The following UBE2R2 variants were observed in gnomAD, a reference collection of about 807,000 sequenced individuals.
The protein encoded by UBE2R2 is ubiquitin-conjugating enzyme E2 R2.
In UBE2R2, 1 loss-of-function variant was observed where a neutral mutation model predicts 27.8. The ratio of observed to expected loss-of-function variants is 0.04; its 90% confidence interval spans 0.01 to 0.17. The LOEUF (loss-of-function observed/expected upper bound fraction) is 0.17. Among genes scored for constraint, UBE2R2 ranks in the 10% least tolerant of loss-of-function variants. The pLI, the probability that UBE2R2 is intolerant of heterozygous loss-of-function variation, is 1.00. For missense variants in UBE2R2, 100 were observed against 291.0 expected (o/e 0.34, Z 4.78); for synonymous variants, 106 against 113.3 (o/e 0.94, Z 0.41).
intron 1 of UBE2R2, among the ~76,000 whole-genome samples, chr9:33,879,445 T>G (rs1821683335): frequency 6.6e-6 from 1 of 152,268 alleles, no homozygotes; most frequent in Middle Eastern, 3.4e-3. Context: ...CTTAGTACCC[T>G]AAGTAATCTT....
At chr9:33,877,805 C>CTGTT (rs1821638909) in intron 1 of UBE2R2, among the ~76,000 whole-genome samples, 1 of 138,452 alleles carries the variant, frequency 7.2e-6, no homozygotes, top group Admixed American at 7.1e-5. Context: ...CCCTCTCTGT[C>CTGTT]TGTCTGTCTG....
In UBE2R2 at chr9:33,882,491, G is replaced by A. The variant is rs1821750952; in HGVS notation, c.178-4390G>A. ...CTAGAGATGGGGTTTCACCATCTTG[G>A]CCAGGCTGGTCTTGAACTCCTGACC... On this transcript the variant is annotated intron_variant, in intron 1 of 4. Coordinates refer to ENST00000263228, the MANE Select transcript of UBE2R2 (RefSeq NM_017811.4). Among the ~76,000 whole-genome samples, 9 of 152,180 alleles carry A rather than the reference G, an allele frequency of 5.9e-5. No homozygotes were observed. The South Asian group carries it at 1.9e-3, about 32-fold the overall frequency.
At chr9:33,891,330 C>T (rs1047320089) in intron 2 of UBE2R2, among the ~76,000 whole-genome samples, 2 of 151,636 alleles carry the variant, frequency 1.3e-5, no homozygotes, top group African/African-American at 4.8e-5. Context: ...TGAGCCACCA[C>T]ACCCAGCTCT....
chr9:33,819,916 C>A (rs531812902), intron 1 of UBE2R2, among the ~76,000 whole-genome samples: 1 of 152,234 alleles, frequency 6.6e-6, no homozygotes, highest in Admixed American at 6.5e-5. Context: ...GGATTACAGG[C>A]GTGAGCCACT....
Position 33,871,096 on chromosome 9 carries a change from C to A in UBE2R2, c.178-15785C>A, listed in dbSNP as rs545193674. 3.9e-5 allele frequency among the ~76,000 whole-genome samples: 6 copies of A among 152,306 alleles called. No individual in the cohort carries two copies. The East Asian group carries it at 9.6e-4, about 24-fold the overall frequency. On this transcript the variant is annotated intron_variant, in intron 1 of 4. Transcript: ENST00000263228. Reference sequence around the variant, plus strand: ...AAGTAGTACCCCTTTGTAAATTTTACCTGAATGTCTCAGCCAGAATTAGGC... The same window carrying A: ...AAGTAGTACCCCTTTGTAAATTTTAACTGAATGTCTCAGCCAGAATTAGGC...
At chr9:33,896,031 C>G (rs890291640) in intron 2 of UBE2R2, among the ~76,000 whole-genome samples, 5 of 152,026 alleles carry the variant, frequency 3.3e-5, no homozygotes, top group Admixed American at 2.0e-4. Flanking sequence ...CCCCGGCCCC[C>G]CAAAGTGCTG....
chr9:33,836,505 C>T (rs1250202084), intron 1 of UBE2R2, among the ~76,000 whole-genome samples: 2 of 151,978 alleles, frequency 1.3e-5, no homozygotes, highest in Non-Finnish European at 2.9e-5. Flanking sequence ...CCTATGATCC[C>T]AGTACTTTGG....
intron 1 of UBE2R2, among the ~76,000 whole-genome samples, chr9:33,870,545 G>A (rs3849913): frequency 0.2 from 29,999 of 152,100 alleles, 3,240 homozygotes; most frequent in South Asian, 0.33. Flanking sequence ...GAGCCAAGAA[G>A]TATGAGAACG....
chr9:33,834,693 C>T (rs1820574298), intron 1 of UBE2R2, among the ~76,000 whole-genome samples: 1 of 151,748 alleles, frequency 6.6e-6, no homozygotes, highest in South Asian at 2.1e-4. Context: ...GGTGGATCAC[C>T]TGAGGTCAGG....
chr9:33,825,964 G>A (rs1239690636), intron 1 of UBE2R2, among the ~76,000 whole-genome samples: 1 of 152,026 alleles, frequency 6.6e-6, no homozygotes, highest in African/African-American at 2.4e-5. Context: ...CCAATATGGT[G>A]AAACCCCATC....
chr9:33,871,610 T>G (rs1287062606), intron 1 of UBE2R2, among the ~76,000 whole-genome samples: 2 of 152,202 alleles, frequency 1.3e-5, no homozygotes, highest in Non-Finnish European at 2.9e-5. Context: ...GTTTGCGTAT[T>G]AGTCAAAAAA....
intron 1 of UBE2R2, among the ~76,000 whole-genome samples, chr9:33,866,488 C>CT (rs756318300): frequency 4.6e-5 from 7 of 152,174 alleles, no homozygotes; most frequent in Non-Finnish European, 8.8e-5. Context: ...ATCCACCCGC[C>CT]TAGGCTTCCC....
chr9:33,886,054 AT>A (rs1821845617), intron 1 of UBE2R2, among the ~76,000 whole-genome samples: 1 of 152,198 alleles, frequency 6.6e-6, no homozygotes, highest in African/African-American at 2.4e-5. Context: ...TGTAAAAAAA[AT>A]GTTTACAATG....
At chr9:33,853,745 A>G (rs1217450992) in intron 1 of UBE2R2, among the ~76,000 whole-genome samples, 7 of 151,218 alleles carry the variant, frequency 4.6e-5, no homozygotes, top group Non-Finnish European at 1.0e-4. Flanking sequence ...GGTCTGTGCA[A>G]GCAACCTTAT....
In UBE2R2 at chr9:33,869,652, G is replaced by C. The variant is rs946662710; in HGVS notation, c.178-17229G>C. On this transcript the variant is annotated intron_variant, in intron 1 of 4. Transcript: ENST00000263228. ...TTAGTAGAGACGGGGTTTTCACCAT[G>C]TTGGCCAGGCTCGTCTGGAACTCCT... Among the ~76,000 whole-genome samples, 4 of 151,856 alleles carry C rather than the reference G, an allele frequency of 2.6e-5. No individual in the cohort carries two copies. In the East Asian group the frequency reaches 5.8e-4, roughly 22 times the overall value.
intron 1 of UBE2R2, among the ~76,000 whole-genome samples, chr9:33,840,151 G>T (rs1442497841): frequency 6.6e-6 from 1 of 152,030 alleles, no homozygotes; most frequent in Non-Finnish European, 1.5e-5. Flanking sequence ...TACAGATAGT[G>T]CTTTTTCCCC....
At chr9:33,899,919 C>T (rs1436436047) in intron 2 of UBE2R2, among the ~76,000 whole-genome samples, 2 of 151,696 alleles carry the variant, frequency 1.3e-5, no homozygotes, top group South Asian at 2.1e-4. Context: ...ACATAGGGAT[C>T]GTTTGTTTCA....
At chr9:33,908,608 TAGG>T (rs1222939628) in intron 3 of UBE2R2, among the ~76,000 whole-genome samples, 1 of 152,202 alleles carries the variant, frequency 6.6e-6, no homozygotes, top group Non-Finnish European at 1.5e-5. Context: ...ATTTTTAACT[TAGG>T]AGGACATGGA....
In UBE2R2 at chr9:33,915,304, T is replaced by G. The variant is rs534469759; in HGVS notation, c.498-1714T>G. Among the ~76,000 whole-genome samples the G allele has an allele frequency of 1.4e-4, 22 of 152,154 alleles. No homozygotes were observed. The East Asian group carries it at 3.5e-3, about 24-fold the overall frequency. Reference sequence around the variant, plus strand: ...TGCTCATTTATTCAGAGAAGTAAAATGGGAGAAACTGTCCATAGAGGTAGA... The same window carrying G: ...TGCTCATTTATTCAGAGAAGTAAAAGGGGAGAAACTGTCCATAGAGGTAGA... On this transcript the variant is annotated intron_variant, in intron 4 of 4. Transcript: ENST00000263228.
Sources: allele counts gnomAD v4.1 joint callset (sites outside exome capture counted in the v4.1 genomes callset), GRCh38; gene constraint gnomAD v4.1.1; transcripts MANE v1.5; gene names NCBI Gene and HGNC (gene_info 2026-07-23, HGNC 2026-07-21).